The following BIVM variants were observed in gnomAD, a reference collection of about 807,000 sequenced individuals.
BIVM encodes basic immunoglobulin-like variable motif-containing protein.
Under a neutral mutation model 61.4 loss-of-function variants are expected in BIVM, and 31 were observed. That is an observed-to-expected ratio of 0.51 (90% CI 0.38 to 0.68). BIVM has a LOEUF of 0.68. Ranked by LOEUF, BIVM falls within the 30% of genes least tolerant of loss-of-function variation. The pLI is 0.00. For synonymous variants in BIVM, 189 were observed against 210.7 expected, an observed-to-expected ratio of 0.90 and a Z score of 0.89; for missense variants, 526 against 596.0, an observed-to-expected ratio of 0.88 and a Z score of 1.22.
intron 3 of BIVM, among the ~76,000 whole-genome samples, chr13:102,808,876 T>C (rs1724040038): frequency 1.3e-5 from 2 of 152,202 alleles, no homozygotes; most frequent in Admixed American, 1.3e-4. Flanking sequence ...GGAATCTTTG[T>C]TGACAACTCC....
At chr13:102,837,220 G>A (rs913306443) in intron 9 of BIVM, among the ~76,000 whole-genome samples, 2 of 152,182 alleles carry the variant, frequency 1.3e-5, no homozygotes, top group Non-Finnish European at 2.9e-5. Flanking sequence ...CGAGGCTGCA[G>A]TGAGCTGAGA....
In BIVM at chr13:102,807,443, T is replaced by C; in HGVS notation, c.176T>C (p.Val59Ala). 1.2e-6 allele frequency: 2 copies of C among 1,614,228 alleles called. No individual in the cohort carries two copies. Among genetic ancestry groups the C allele is most frequent in the Non-Finnish European group, 1.7e-6 (2 of 1,180,042 alleles). ...GGTCATTATCCATGGAGTTGTCCAG[T>C]GACTCATACACGGGAAAAAATTTAT... ...GDGHYPWSCP[V>A]THTREKIYAI... The change falls in exon 3 of 11, where the codon GTG becomes GCG. Residue 59 changes from valine to alanine, a missense_variant. By Grantham distance (64) the Val-to-Ala change is moderately conservative (BLOSUM62 0). This residue lies in a region of BIVM where 312 missense variants were observed against 343.8 expected (regional missense o/e 0.91). Coordinates refer to ENST00000257336, the MANE Select transcript of BIVM (RefSeq NM_017693.4). This position sits in a 1 kb window ranked among gnomAD's most constrained non-coding sequence, Gnocchi z 4.0.
rs1878897818 is a variant in BIVM at position 102,803,816 on chromosome 13, TGA to T, written c.-206-1488_-206-1487del. Among the ~76,000 whole-genome samples the T allele has an allele frequency of 2.6e-5, 4 of 152,154 alleles. No homozygotes were observed. The South Asian group carries it at 8.3e-4, about 32-fold the overall frequency. On this transcript the variant is annotated intron_variant, in intron 1 of 10. Transcript: ENST00000257336. ...TAGAGAAAGGCATGAAGGTCACAGA[TGA>T]GAAGTAGAAAATGCTATGTTAGGAC...
intron 4 of BIVM, among the ~76,000 whole-genome samples, chr13:102,819,394 AG>A (rs1880083675): frequency 6.6e-6 from 1 of 152,224 alleles, no homozygotes; most frequent in African/African-American, 2.4e-5. Flanking sequence ...TAAAGAACAA[AG>A]CAAAACTGAG....
At chr13:102,819,330 A>G (rs1880079945) in intron 4 of BIVM, among the ~76,000 whole-genome samples, 1 of 152,246 alleles carries the variant, frequency 6.6e-6, no homozygotes, top group South Asian at 2.1e-4. Context: ...ACTGACCTGT[A>G]CACTTAAAAA....
chr13:102,818,014 T>C (rs1879994270), intron 4 of BIVM, among the ~76,000 whole-genome samples: 1 of 152,188 alleles, frequency 6.6e-6, no homozygotes, highest in African/African-American at 2.4e-5. Context: ...GTTAAATATC[T>C]TAGGCAGTTT....
intron 7 of BIVM, among the ~76,000 whole-genome samples, chr13:102,827,397 G>A (rs1248582952): frequency 6.6e-6 from 1 of 151,590 alleles, no homozygotes. Flanking sequence ...AGGGGGTTGA[G>A]GTGCTTACTG....
chr13:102,800,177 T>C (rs1383887167), intron 1 of BIVM, among the ~76,000 whole-genome samples: 3 of 152,236 alleles, frequency 2.0e-5, no homozygotes, highest in African/African-American at 4.8e-5. Flanking sequence ...TTATTAATGA[T>C]ACCGACTCGT....
At chr13:102,821,886 T>A in intron 6 of BIVM, 39 bp downstream of exon 6, 1 of 1,595,050 alleles carries the variant, frequency 6.3e-7, no homozygotes, top group Non-Finnish European at 8.6e-7. Context: ...GTGTTTCTAG[T>A]TTTGCAAAAT....
At position 102,809,442 on chromosome 13, in the gene BIVM, G is replaced by A. The variant is rs187564230; in HGVS notation, c.478+1697G>A. Among the ~76,000 whole-genome samples, 3 of 152,314 alleles carry A rather than the reference G, an allele frequency of 2.0e-5. No individual in the cohort carries two copies. The East Asian group carries it at 5.8e-4, about 29-fold the overall frequency. On this transcript the variant is annotated intron_variant, in intron 3 of 10. Transcript: ENST00000257336. ...TGGTCTATCTTGGTGAATGTGCCATGTGCACTTGAAAAGAATGTGCATTCT... is the reference window on the plus strand; with the variant it reads ...TGGTCTATCTTGGTGAATGTGCCATATGCACTTGAAAAGAATGTGCATTCT...
At chr13:102,805,531 T>A (rs1403038932) in intron 2 of BIVM, 141 bp downstream of exon 2, 1 of 152,250 alleles carries the variant, frequency 6.6e-6, no homozygotes, top group Non-Finnish European at 1.5e-5. Flanking sequence ...TATGGAGGTA[T>A]AATTCACACA....
chr13:102,806,736 C>T (rs1198518543), intron 2 of BIVM, among the ~76,000 whole-genome samples: 2 of 151,840 alleles, frequency 1.3e-5, no homozygotes, highest in Non-Finnish European at 2.9e-5. Context: ...GATGGAGAAA[C>T]CCCATCTCTA....
rs113232262 is a variant in BIVM at position 102,815,092 on chromosome 13, C to T, written c.479-1336C>T. On this transcript the variant is annotated intron_variant, in intron 3 of 10. Coordinates refer to ENST00000257336, the MANE Select transcript of BIVM (RefSeq NM_017693.4). ...ACAAAAAGAATAATTAAAAGGAAGGCGAAACATTGTTTCTTGACTTTATAG... is the reference window on the plus strand; with the variant it reads ...ACAAAAAGAATAATTAAAAGGAAGGTGAAACATTGTTTCTTGACTTTATAG... 6.1e-3 allele frequency among the ~76,000 whole-genome samples: 934 copies of T among 152,028 alleles called. 9 individuals are homozygous for T. The highest frequency in any genetic ancestry group is 0.022 in the African/African-American group (897 of 41,464).
chr13:102,839,401 A>G, intron 10 of BIVM, 171 bp from the exon 11 acceptor site: 4 of 901,920 alleles, frequency 4.4e-6, no homozygotes, highest in Non-Finnish European at 6.5e-6. Context: ...TATTTTGTAA[A>G]GGCAGCTGTT....
At chr13:102,829,248 G>A (rs1025023919) in intron 7 of BIVM, among the ~76,000 whole-genome samples, 1 of 152,132 alleles carries the variant, frequency 6.6e-6, no homozygotes, top group East Asian at 1.9e-4. Context: ...AGAGTAACTT[G>A]AAGTAAGAAA....
At chr13:102,810,575 CACTTA>C (rs1466748307) in intron 3 of BIVM, among the ~76,000 whole-genome samples, 5 of 152,190 alleles carry the variant, frequency 3.3e-5, no homozygotes, top group Non-Finnish European at 2.9e-5. Flanking sequence ...GCTTCGTCCA[CACTTA>C]ACTTTCAGTT....
intron 9 of BIVM, among the ~76,000 whole-genome samples, chr13:102,836,794 G>A (rs993011161): frequency 1.3e-5 from 2 of 152,106 alleles, no homozygotes; most frequent in African/African-American, 4.8e-5. Context: ...CTACTAATCT[G>A]TCTGTCCTTT....
intron 3 of BIVM, among the ~76,000 whole-genome samples, chr13:102,809,938 A>C (rs1291517643): frequency 6.6e-6 from 1 of 151,760 alleles, no homozygotes; most frequent in Non-Finnish European, 1.5e-5. Flanking sequence ...GGCGCCTGTC[A>C]CCGTGCCCGG....
At chr13:102,835,502 T>G (rs1881404773) in intron 9 of BIVM, among the ~76,000 whole-genome samples, 1 of 152,170 alleles carries the variant, frequency 6.6e-6, no homozygotes, top group South Asian at 2.1e-4. Context: ...ATCTACCTTC[T>G]GTCTCTAGGG....
Sources: gnomAD v4.1 joint callset for allele counts (sites outside exome capture counted in the v4.1 genomes callset) on GRCh38, gnomAD v4.1.1 for gene constraint, gnomAD v4.1.1 regional missense constraint, Gnocchi (gnomAD v3.1) non-coding constraint, MANE v1.5 for transcripts, NCBI Gene and HGNC (gene_info 2026-07-23, HGNC 2026-07-21) for gene names.